Variants in PSMD12 observed in about 807,000 individuals in gnomAD.
The protein encoded by PSMD12 is 26S proteasome non-ATPase regulatory subunit 12.
PSMD12 carries 8 observed loss-of-function variants against 62.9 expected under a neutral mutation model. The ratio of observed to expected loss-of-function variants is 0.13; its 90% confidence interval spans 0.07 to 0.23. The LOEUF is 0.23. PSMD12 is among the 10% of genes least tolerant of loss of function. The pLI, the probability that PSMD12 is intolerant of heterozygous loss-of-function variation, is 1.00. For synonymous variants in PSMD12, 173 were observed against 187.4 expected (o/e 0.92, Z 0.63); for missense variants, 424 against 550.2 (o/e 0.77, Z 2.29).
Position 67,347,361 on chromosome 17 carries a change from T to G in PSMD12, c.635A>C (p.Lys212Thr). The G allele has an allele frequency of 1.9e-6, 3 of 1,613,956 alleles. No homozygotes were observed. Among genetic ancestry groups the G allele is most frequent in the South Asian group, 2.2e-5 (2 of 91,078 alleles). Residue 212 changes from lysine (K) to threonine (T), a missense_variant, in exon 6 of 11, where the codon AAA becomes ACA. Physicochemically the swap from Lys to Thr is moderately conservative, Grantham distance 78 (BLOSUM62 -1). Transcript: ENST00000356126. ...CTCTGTATTTTCTTCCTGGAAAAAT[T>G]TGGTGTTAATTTTCTTGCTGATGAT... ...TQIISKKINT[K>T]FFQEENTEKL...
rs373391525 is a variant in PSMD12 at position 67,340,725 on chromosome 17, C to G, written c.*118G>C. ...GGTCAAAGGGAGTCTCAAACATATT[C>G]ACTATTTTAAAATTTAAGACAAAGA... On this transcript the variant is annotated 3_prime_UTR_variant, in exon 11 of 11. Coordinates refer to ENST00000356126, the MANE Select transcript of PSMD12 (RefSeq NM_002816.5). 1.3e-6 allele frequency: 1 copy of G among 743,452 alleles called. No homozygotes were observed. The highest frequency in any genetic ancestry group is 3.4e-5 in the East Asian group (1 of 29,756). The allele number at this position is 743,452 out of a possible 1,614,324, so 46.1% of individuals were successfully genotyped here.
rs187776088 is a variant in PSMD12 at position 67,344,135 on chromosome 17, A to G, written c.1083+471T>C. On this transcript the variant is annotated intron_variant, in intron 9 of 10. Transcript: ENST00000356126. ...CATAATACAACATAACGGCAGTGAT[A>G]CTAAAAAGATCAAAGTTCAGGTTTA... Among the ~76,000 whole-genome samples the G allele has an allele frequency of 3.3e-5, 5 of 152,350 alleles. No homozygotes were observed. In the East Asian group the frequency reaches 5.8e-4, roughly 18 times the overall value.
chr17:67,358,567 C>CAAAAAAAAAAAAAAAAAAAAAAAAAA (rs398039153), intron 1 of PSMD12, among the ~76,000 whole-genome samples: 17 of 74,064 alleles, frequency 2.3e-4, no homozygotes, highest in South Asian at 5.8e-4. Flanking sequence ...GAACCTGTCT[C>CAAAAAAAAAAAAAAAAAAAAAAAAAA]AAAAAAAAAA....
intron 1 of PSMD12, among the ~76,000 whole-genome samples, chr17:67,358,749 A>C (rs566014720): frequency 2.6e-5 from 4 of 152,272 alleles, no homozygotes; most frequent in African/African-American, 9.6e-5. Context: ...AATGACTTTA[A>C]GAATAAATTA....
In PSMD12 at chr17:67,340,783, T is replaced by C. The variant is rs2041906197; in HGVS notation, c.*60A>G. On this transcript the variant is annotated 3_prime_UTR_variant, in exon 11 of 11. Coordinates refer to ENST00000356126, the MANE Select transcript of PSMD12 (RefSeq NM_002816.5). Reference sequence around the variant, plus strand: ...AAAAAAAACCCCAACATATACACCATTATAACAGTCTTTTTTTAATGACTT... The same window carrying C: ...AAAAAAAACCCCAACATATACACCACTATAACAGTCTTTTTTTAATGACTT... The C allele has an allele frequency of 1.5e-6, 2 of 1,365,788 alleles. No individual in the cohort carries two copies. The highest frequency in any genetic ancestry group is 2.7e-5 in the Admixed American group (1 of 36,832). The allele number at this position is 1,365,788 out of a possible 1,614,324, so 84.6% of individuals were successfully genotyped here.
intron 1 of PSMD12, among the ~76,000 whole-genome samples, chr17:67,361,803 G>A (rs1383162185): frequency 7.1e-6 from 1 of 141,480 alleles, no homozygotes; most frequent in Non-Finnish European, 1.5e-5. Flanking sequence ...ACAGTGTTGT[G>A]CACTACCAGC....
rs1455717692 is a variant in PSMD12 at position 67,338,546 on chromosome 17, T to C, written c.*2297A>G. On this transcript the variant is annotated 3_prime_UTR_variant, in exon 11 of 11. Transcript: ENST00000356126. ...GAATCATAATACACAAAGAGCCTAGTGTGTGTTAAAGAAAGACGAAAGAGG... is the reference window on the plus strand; with the variant it reads ...GAATCATAATACACAAAGAGCCTAGCGTGTGTTAAAGAAAGACGAAAGAGG... 6.6e-6 allele frequency: 1 copy of C among 152,208 alleles called. No homozygotes were observed. The highest frequency in any genetic ancestry group is 2.4e-5 in the African/African-American group (1 of 41,458). 9.4% of individuals were successfully genotyped at this position (152,208 alleles called of 1,614,324 possible). A position where few individuals can be genotyped will look rare whatever the true frequency, so the allele number is the denominator to read the frequency against.
intron 3 of PSMD12, among the ~76,000 whole-genome samples, chr17:67,355,667 T>G (rs1009530810): frequency 6.6e-6 from 1 of 152,000 alleles, no homozygotes; most frequent in Non-Finnish European, 1.5e-5. Flanking sequence ...AAAGATGAGA[T>G]AAAAATGTAA....
intron 3 of PSMD12, among the ~76,000 whole-genome samples, chr17:67,351,111 G>A (rs764898820): frequency 5.9e-5 from 9 of 152,124 alleles, no homozygotes; most frequent in Non-Finnish European, 8.8e-5. Flanking sequence ...AGGACCATGG[G>A]TCAGGCGTGG....
chr17:67,340,916 T>C lies in PSMD12; in HGVS notation c.1298A>G (p.Asn433Ser). ...NLLNDWSQKLNSLMSLVNKTT... is the reference protein window; with the variant it reads ...NLLNDWSQKLSSLMSLVNKTT... ...TTTGTTAACCAGAGACATTAATGAG[T>C]TCAGTTTCTGAGACCAGTCATTTAA... Residue 433 changes from asparagine (N) to serine (S), a missense_variant, in exon 11 of 11, where the codon AAC becomes AGC. By Grantham distance (46) the Asn-to-Ser change is conservative. Transcript: ENST00000356126. 8.2e-6 allele frequency: 13 copies of C among 1,593,844 alleles called. No homozygotes were observed. Among genetic ancestry groups the C allele is most frequent in the Non-Finnish European group, 1.1e-5 (13 of 1,174,034 alleles).
chr17:67,342,787 T>C (rs1230362289), intron 9 of PSMD12, among the ~76,000 whole-genome samples: 1 of 151,876 alleles, frequency 6.6e-6, no homozygotes, highest in Non-Finnish European at 1.5e-5. Flanking sequence ...AATTTAAAAA[T>C]TAGCTGAATA....
chr17:67,341,449 G>A (rs528714675), intron 10 of PSMD12, among the ~76,000 whole-genome samples: 337 of 108,956 alleles, frequency 3.1e-3, no homozygotes, highest in Middle Eastern at 0.02. Context: ...CCACCTGGGC[G>A]ACAAGGTGAG....
rs146119955 is a variant in PSMD12 at position 67,356,206 on chromosome 17, T to C, written c.297+1097A>G. Among the ~76,000 whole-genome samples, 817 of 152,072 alleles carry C rather than the reference T, an allele frequency of 5.4e-3. 5 individuals are homozygous for C. The highest frequency in any genetic ancestry group is 0.01 in the Middle Eastern group (3 of 294). On this transcript the variant is annotated intron_variant, in intron 3 of 10. Coordinates refer to ENST00000356126, the MANE Select transcript of PSMD12 (RefSeq NM_002816.5). ...CAAGAAGAGGGCTCAGAGAGTTTAG[T>C]CAAGGAGAGAAATCTTTATCAACAT...
In PSMD12 at chr17:67,347,212, C is replaced by T; in HGVS notation, c.699G>A (p.Leu233=). 5.6e-6 allele frequency: 9 copies of T among 1,613,696 alleles called. No homozygotes were observed. The highest frequency in any genetic ancestry group is 7.6e-6 in the Non-Finnish European group (9 of 1,179,818). The change falls in exon 7 of 11, where the codon CTG becomes CTA. Residue 233 remains leucine (L), a synonymous_variant. Transcript: ENST00000356126. The stretch of plus-strand genomic sequence containing the variant: ...ACAAATAGGATCCCTCATGTTGATC[C>T]AGCTGAATCATTAAATTATAGTACT... The part of the protein sequence containing the change: ...KLKYYNLMIQ[L]DQHEGSYLSI...
At chr17:67,350,947 T>C (rs1481648943) in intron 3 of PSMD12, among the ~76,000 whole-genome samples, 1 of 152,234 alleles carries the variant, frequency 6.6e-6, no homozygotes, top group Non-Finnish European at 1.5e-5. Flanking sequence ...CTGTGGCAAC[T>C]ATTCAACTCT....
Position 67,357,291 on chromosome 17 carries a change from T to G in PSMD12, c.297+12A>C. Reference sequence around the variant, plus strand: ...GCTTTTGTGTTTGGAGCAGACATGATCATGAACTCACTTGTTTTAACTGAC... The same window carrying G: ...GCTTTTGTGTTTGGAGCAGACATGAGCATGAACTCACTTGTTTTAACTGAC... On this transcript the variant is annotated intron_variant, in intron 3 of 10. Transcript: ENST00000356126. 6.2e-7 allele frequency: 1 copy of G among 1,608,810 alleles called. No individual in the cohort carries two copies. The highest frequency in any genetic ancestry group is 1.1e-5 in the South Asian group (1 of 90,156).
intron 5 of PSMD12, among the ~76,000 whole-genome samples, chr17:67,348,127 G>A (rs1382029129): frequency 6.6e-6 from 1 of 152,084 alleles, no homozygotes. Flanking sequence ...TTCATTTCCC[G>A]TGGGTAAATA....
chr17:67,353,981 TA>T (rs1489974021), intron 3 of PSMD12, among the ~76,000 whole-genome samples: 2 of 151,718 alleles, frequency 1.3e-5, no homozygotes, highest in Non-Finnish European at 2.9e-5. Context: ...GACTACTTGT[TA>T]AAGATGTGCT....
chr17:67,340,301 C>T lies in PSMD12; in HGVS notation c.*542G>A, dbSNP rs1185721355. 6.6e-6 allele frequency: 1 copy of T among 151,086 alleles called. No individual in the cohort carries two copies. Among genetic ancestry groups the T allele is most frequent in the Non-Finnish European group, 1.5e-5 (1 of 68,022 alleles). 9.4% of individuals were successfully genotyped at this position (151,086 alleles called of 1,614,324 possible). Reference sequence around the variant, plus strand: ...CAGTTTACCAGCATACACACTCAGTCTAGACTTTCCGCCACAATATCAAAG... The same window carrying T: ...CAGTTTACCAGCATACACACTCAGTTTAGACTTTCCGCCACAATATCAAAG... On this transcript the variant is annotated 3_prime_UTR_variant, in exon 11 of 11. Coordinates refer to ENST00000356126, the MANE Select transcript of PSMD12 (RefSeq NM_002816.5).
Sources: gnomAD v4.1 joint callset for allele counts (sites outside exome capture counted in the v4.1 genomes callset) on GRCh38, gnomAD v4.1.1 for gene constraint, MANE v1.5 for transcripts, NCBI Gene and HGNC (gene_info 2026-07-23, HGNC 2026-07-21) for gene names.